Variants in PLEKHG1 observed in about 807,000 individuals in gnomAD.
PLEKHG1 encodes pleckstrin homology and RhoGEF domain containing G1.
A neutral mutation model predicts 100.8 loss-of-function variants in PLEKHG1; 44 were observed. That is an observed-to-expected ratio of 0.44 (90% CI 0.34 to 0.56). PLEKHG1 has a LOEUF of 0.56. Ranked by LOEUF, PLEKHG1 falls within the 20% of genes least tolerant of loss-of-function variation. The pLI is 0.01. For synonymous variants in PLEKHG1, 640 were observed against 662.5 expected, an observed-to-expected ratio of 0.97 and a Z score of 0.52; for missense variants, 1,545 against 1,720.9, an observed-to-expected ratio of 0.90 and a Z score of 1.81.
intron 2 of PLEKHG1, among the ~76,000 whole-genome samples, chr6:150,752,324 A>T (rs1336756743): frequency 6.6e-6 from 1 of 152,208 alleles, no homozygotes; most frequent in African/African-American, 2.4e-5. Flanking sequence ...CCATTTTTAC[A>T]TACATAATTC....
intron 1 of PLEKHG1, among the ~76,000 whole-genome samples, chr6:150,616,782 T>A (rs917569243): frequency 6.6e-6 from 1 of 152,258 alleles, no homozygotes; most frequent in Non-Finnish European, 1.5e-5. Flanking sequence ...ACTACTTGCC[T>A]GCTTCAGCTT....
intron 3 of PLEKHG1, among the ~76,000 whole-genome samples, chr6:150,784,209 A>C (rs972640875): frequency 8.5e-5 from 13 of 152,198 alleles, no homozygotes; most frequent in African/African-American, 2.7e-4. Flanking sequence ...TGCTCAGTGC[A>C]TGAAAAAGAC....
intron 3 of PLEKHG1, among the ~76,000 whole-genome samples, chr6:150,679,285 A>C (rs1303447571): frequency 6.6e-6 from 1 of 152,238 alleles, no homozygotes; most frequent in Non-Finnish European, 1.5e-5. Flanking sequence ...AATAAATATT[A>C]AGCTCCAAAG....
rs142050741 is a variant in PLEKHG1 at position 150,684,164 on chromosome 6, T to G, written c.-99+33378T>G. ...ATTATCCTTAGATCCAGGCTGACAA[T>G]GTAAGCAAATGTGGAAAGCGTTAGA... On this transcript the variant is annotated intron_variant, in intron 3 of 3. Transcript: ENST00000367326. Among the ~76,000 whole-genome samples, 822 of 152,238 alleles carry G rather than the reference T, an allele frequency of 5.4e-3. 4 individuals are homozygous for G. Among genetic ancestry groups the G allele is most frequent in the Non-Finnish European group, 8.6e-3 (586 of 68,006 alleles).
chr6:150,643,393 T>A (rs79003781), intron 2 of PLEKHG1, among the ~76,000 whole-genome samples: 7,273 of 152,218 alleles, frequency 0.048, 406 homozygotes, highest in African/African-American at 0.12. Context: ...AGAACCTCAA[T>A]CAGTCCTGCC....
intron 3 of PLEKHG1, 54 bp from the exon 5 acceptor site, chr6:150,786,336 T>C: frequency 1.8e-6 from 2 of 1,116,262 alleles, no homozygotes; most frequent in Non-Finnish European, 2.7e-6. Flanking sequence ...ATACAAAATG[T>C]ACTCACCCAG....
At chr6:150,674,925 TG>T (rs1472884802) in intron 3 of PLEKHG1, among the ~76,000 whole-genome samples, 1 of 152,070 alleles carries the variant, frequency 6.6e-6, no homozygotes, top group African/African-American at 2.4e-5. Context: ...TCAAGTAATC[TG>T]CCTGCTTCAG....
At chr6:150,789,698 G>T (rs1455202802) in intron 4 of PLEKHG1, among the ~76,000 whole-genome samples, 1 of 152,162 alleles carries the variant, frequency 6.6e-6, no homozygotes, top group East Asian at 1.9e-4. Context: ...ACTTGATATT[G>T]TTCTATTCCA....
At chr6:150,808,246 A>G (rs535535523) in intron 7 of PLEKHG1, among the ~76,000 whole-genome samples, 3 of 152,206 alleles carry the variant, frequency 2.0e-5, no homozygotes, top group Non-Finnish European at 4.4e-5. Context: ...ACTAAAACAT[A>G]AGTTAGGGGC....
rs138537064 is a variant in PLEKHG1 at position 150,711,894 on chromosome 6, G to A, written c.-98-21690G>A. Reference sequence around the variant, plus strand: ...GATCAAGCAGGCCATAAGTCAAAACGGGGCTACAATTTGGCATTGTATCAC... The same window carrying A: ...GATCAAGCAGGCCATAAGTCAAAACAGGGCTACAATTTGGCATTGTATCAC... On this transcript the variant is annotated intron_variant, in intron 3 of 3. Transcript: ENST00000367326. 2.9e-3 allele frequency among the ~76,000 whole-genome samples: 436 copies of A among 152,242 alleles called. 1 individual carries two copies. The highest frequency in any genetic ancestry group is 9.7e-3 in the African/African-American group (404 of 41,536).
intron 1 of PLEKHG1, among the ~76,000 whole-genome samples, chr6:150,604,979 C>G (rs533194430): frequency 2.0e-5 from 3 of 152,142 alleles, no homozygotes; most frequent in African/African-American, 7.2e-5. Flanking sequence ...CTTGCAGAGC[C>G]CTGGGTGGGC....
intron 1 of PLEKHG1, among the ~76,000 whole-genome samples, chr6:150,635,965 T>C (rs963046810): frequency 1.3e-4 from 20 of 152,216 alleles, no homozygotes; most frequent in African/African-American, 4.8e-4. Flanking sequence ...TTTTGTATTT[T>C]GAATTTAAAA....
At chr6:150,753,190 C>T (rs1783620950) in intron 2 of PLEKHG1, among the ~76,000 whole-genome samples, 1 of 152,068 alleles carries the variant, frequency 6.6e-6, no homozygotes, top group African/African-American at 2.4e-5. Context: ...CAACACCCCT[C>T]ACCCCCACCC....
rs1028161323 is a variant in PLEKHG1, at chr6:150,759,903, C to T, written c.412-8735C>T. Among the ~76,000 whole-genome samples, 26 of 151,898 alleles carry T rather than the reference C, an allele frequency of 1.7e-4. 1 individual carries two copies. The highest frequency in any genetic ancestry group is 5.8e-4 in the African/African-American group (24 of 41,348). ...ACCCCAGCTACTGGGAAGGCTGAGG[C>T]GGGAGATTGCTTAAGGCAGGATTTC... On this transcript the variant is annotated intron_variant, in intron 2 of 15. Coordinates refer to ENST00000358517, the Ensembl canonical transcript of PLEKHG1.
chr6:150,812,866 G>C (rs1787611002), intron 10 of PLEKHG1, among the ~76,000 whole-genome samples: 1 of 152,098 alleles, frequency 6.6e-6, no homozygotes, highest in African/African-American at 2.4e-5. Flanking sequence ...TGAACCAAGG[G>C]AGAAAAAGAT....
At chr6:150,667,752 T>A (rs1193726608) in intron 3 of PLEKHG1, among the ~76,000 whole-genome samples, 1 of 152,208 alleles carries the variant, frequency 6.6e-6, no homozygotes, top group Non-Finnish European at 1.5e-5. Flanking sequence ...AAAGCTGAAT[T>A]CAGAAGTCTG....
At chr6:150,812,300 G>C (rs1227288857) in intron 10 of PLEKHG1, among the ~76,000 whole-genome samples, 3 of 152,150 alleles carry the variant, frequency 2.0e-5, no homozygotes, top group African/African-American at 7.2e-5. Context: ...AATGTGCAAA[G>C]GAAAGATGAA....
chr6:150,683,846 G>C lies in PLEKHG1; in HGVS notation c.-99+33060G>C. The C allele has an allele frequency of 7.8e-7, 1 of 1,284,734 alleles. No individual in the cohort carries two copies. The allele number at this position is 1,284,734 out of a possible 1,614,324, so 79.6% of individuals were successfully genotyped here. A position where few individuals can be genotyped will look rare whatever the true frequency, so the allele number is the denominator to read the frequency against. On this transcript the variant is annotated intron_variant, in intron 3 of 3. Transcript: ENST00000367326. The surrounding 1 kb of genome is among the most constrained non-coding windows in gnomAD (Gnocchi z 4.0). ...TTCTGGGCCAAAGCATCACAGGCGAGTGAAATATGGGAATATTGAAGGGGC... is the reference window on the plus strand; with the variant it reads ...TTCTGGGCCAAAGCATCACAGGCGACTGAAATATGGGAATATTGAAGGGGC...
intron 3 of PLEKHG1, among the ~76,000 whole-genome samples, chr6:150,674,632 C>CTCT (rs1562427503): frequency 0.029 from 1,887 of 66,142 alleles, 205 homozygotes; most frequent in East Asian, 0.036. Context: ...CTCTCTCCTC[C>CTCT]CTCTCTCTCT....
Sources: gnomAD v4.1 joint callset for allele counts (sites outside exome capture counted in the v4.1 genomes callset) on GRCh38, gnomAD v4.1.1 for gene constraint, Gnocchi (gnomAD v3.1) non-coding constraint, MANE v1.5 for transcripts, NCBI Gene and HGNC (gene_info 2026-07-23, HGNC 2026-07-21) for gene names.